AGPS: variants seen among roughly 807,000 people sequenced by gnomAD.
AGPS encodes the protein alkylglycerone phosphate synthase, also known as alkyldihydroxyacetonephosphate synthase, peroxisomal.
A neutral mutation model predicts 90.7 loss-of-function variants in AGPS; 26 were observed. The ratio of observed to expected loss-of-function variants is 0.29; its 90% CI spans 0.21 to 0.40. AGPS has a LOEUF of 0.40. AGPS is among the 10% of genes least tolerant of loss of function. The probability of loss-of-function intolerance (pLI) is 1.00; values close to 1 mark genes in which losing one functional copy is unlikely to be tolerated. For synonymous variants in AGPS, 294 were observed against 285.3 expected (o/e 1.03, Z -0.31); for missense variants, 540 against 816.1 (o/e 0.66, Z 4.12).
At chr2:177,425,137 G>A (rs767605055) in intron 2 of AGPS, among the ~76,000 whole-genome samples, 12 of 152,078 alleles carry the variant, frequency 7.9e-5, no homozygotes, top group East Asian at 7.7e-4. Flanking sequence ...CGTTTTTGTC[G>A]TGAAATCTTT....
Position 177,416,932 on chromosome 2 carries a change from T to C in AGPS, c.261-3337T>C, listed in dbSNP as rs543233830. ...TTGACCTCTGGGGTTAGTTGAGAATTGGATTCTTTTATTTGAATCTTATGG... is the reference window on the plus strand; with the variant it reads ...TTGACCTCTGGGGTTAGTTGAGAATCGGATTCTTTTATTTGAATCTTATGG... On this transcript the variant is annotated intron_variant, in intron 1 of 19. Transcript: ENST00000264167. Among the ~76,000 whole-genome samples the C allele has an allele frequency of 4.6e-5, 7 of 152,340 alleles. No homozygotes were observed. The East Asian group carries it at 1.3e-3, about 29-fold the overall frequency.
intron 19 of AGPS, among the ~76,000 whole-genome samples, chr2:177,525,303 A>G (rs1264243284): frequency 2.0e-5 from 3 of 152,302 alleles, no homozygotes; most frequent in Non-Finnish European, 2.9e-5. Flanking sequence ...TTCTGTTTCA[A>G]AATGACACTG....
chr2:177,461,787 C>A (rs1574387285), intron 8 of AGPS, 106 bp from the exon 9 acceptor site: 2,205 of 632,822 alleles, frequency 3.5e-3, no homozygotes, highest in East Asian at 6.0e-3. Context: ...TTAATAAATT[C>A]AAATATCAAT....
At chr2:177,537,331 CT>C (rs770876731) in intron 19 of AGPS, among the ~76,000 whole-genome samples, 121 of 151,888 alleles carry the variant, frequency 8.0e-4, no homozygotes, top group African/African-American at 2.7e-3. Context: ...CTTCACTATT[CT>C]CAGAACAAAT....
intron 11 of AGPS, among the ~76,000 whole-genome samples, chr2:177,482,865 T>G (rs748277349): frequency 2.0e-5 from 3 of 152,130 alleles, no homozygotes; most frequent in Non-Finnish European, 2.9e-5. Context: ...AATTTCTACG[T>G]CTCTCTCGGC....
intron 5 of AGPS, among the ~76,000 whole-genome samples, chr2:177,440,741 A>C (rs1040400036): frequency 6.6e-6 from 1 of 152,148 alleles, no homozygotes; most frequent in Non-Finnish European, 1.5e-5. Context: ...TGTGAGATGA[A>C]GGAAAATTTT....
rs927627596 is a variant in AGPS at position 177,541,283 on chromosome 2, T to G, written c.*3088T>G. ...AGTAACTGCTAAGTCCTAGCTTGCA[T>G]TTTTGAAAATGCCTTTCTGCATGTT... On this transcript the variant is annotated 3_prime_UTR_variant, in exon 20 of 20. Transcript: ENST00000264167. The G allele has an allele frequency of 2.6e-5, 4 of 152,158 alleles. No individual in the cohort carries two copies. Among genetic ancestry groups the G allele is most frequent in the African/African-American group, 9.7e-5 (4 of 41,450 alleles). 9.4% of individuals were successfully genotyped at this position (152,158 alleles called of 1,614,324 possible).
intron 8 of AGPS, among the ~76,000 whole-genome samples, chr2:177,458,038 T>C (rs2364850): frequency 0.87 from 132,959 of 152,234 alleles, 58,200 homozygotes; most frequent in East Asian, 0.98. Context: ...GTTCAACATA[T>C]GCAAATAAAT....
intron 2 of AGPS, among the ~76,000 whole-genome samples, chr2:177,425,181 A>T (rs1238520930): frequency 2.0e-5 from 3 of 151,688 alleles, no homozygotes; most frequent in Non-Finnish European, 2.9e-5. Context: ...TATTGCCTAG[A>T]TTTTTTTCTG....
Position 177,482,055 on chromosome 2 carries a change from T to A in AGPS, c.1106-4T>A, listed in dbSNP as rs367994868. The A allele has an allele frequency of 1.9e-6, 3 of 1,597,644 alleles. No individual in the cohort carries two copies. The highest frequency in any genetic ancestry group is 2.6e-6 in the Non-Finnish European group (3 of 1,169,450). On this transcript the variant is annotated splice_region_variant and splice_polypyrimidine_tract_variant and intron_variant, in intron 10 of 19. Coordinates refer to ENST00000264167, the MANE Select transcript of AGPS (RefSeq NM_003659.4). ...ACTGGATTATTCCCCCTTCTTTTTT[T>A]CAGGAACTCTTGGTGTAATAACAGA... is the stretch of plus-strand genomic sequence containing the variant.
chr2:177,409,866 C>T (rs988518964), intron 1 of AGPS, among the ~76,000 whole-genome samples: 16 of 152,248 alleles, frequency 1.1e-4, no homozygotes, highest in African/African-American at 3.4e-4. Flanking sequence ...GGGATTGAAA[C>T]GTATGGCCTG....
At chr2:177,438,363 G>C (rs570122313) in intron 5 of AGPS, among the ~76,000 whole-genome samples, 33 of 152,258 alleles carry the variant, frequency 2.2e-4, no homozygotes, top group African/African-American at 7.7e-4. Context: ...GTCTAGCCTG[G>C]ACTAGTGAGT....
intron 9 of AGPS, among the ~76,000 whole-genome samples, chr2:177,464,895 G>A (rs1687402750): frequency 6.6e-6 from 1 of 152,234 alleles, no homozygotes; most frequent in African/African-American, 2.4e-5. Context: ...GTATGATGCA[G>A]TGAGCATTTC....
chr2:177,534,059 G>A (rs80095724), intron 19 of AGPS, among the ~76,000 whole-genome samples: 2 of 152,158 alleles, frequency 1.3e-5, no homozygotes. Context: ...ATAATCAAAT[G>A]TGTGATTCAA....
intron 2 of AGPS, among the ~76,000 whole-genome samples, chr2:177,431,345 A>C (rs1445317507): frequency 6.6e-6 from 1 of 152,186 alleles, no homozygotes; most frequent in Non-Finnish European, 1.5e-5. Flanking sequence ...CACAAGGCAA[A>C]GGGCAAAATT....
rs1200415526 is a variant in AGPS at position 177,541,890 on chromosome 2, T to C, written c.*3695T>C. ...AAGGTTTTCTTAAACTGTTAAAATA[T>C]AGTGTCTGATATAAAGGATGTAAGT... is the stretch of plus-strand genomic sequence containing the variant. On this transcript the variant is annotated 3_prime_UTR_variant, in exon 20 of 20. Transcript: ENST00000264167. 2 of 152,196 alleles carry C rather than the reference T, an allele frequency of 1.3e-5. No individual in the cohort carries two copies. Among genetic ancestry groups the C allele is most frequent in the African/African-American group, 2.4e-5 (1 of 41,458 alleles). The allele number at this position is 152,196 out of a possible 1,614,324, so 9.4% of individuals were successfully genotyped here.
intron 10 of AGPS, among the ~76,000 whole-genome samples, chr2:177,478,122 T>G (rs2105688618): frequency 6.6e-6 from 1 of 152,332 alleles, no homozygotes; most frequent in South Asian, 2.1e-4. Context: ...GGATGTAGGA[T>G]TGCTGGTTGA....
At position 177,435,774 on chromosome 2, in the gene AGPS, G is replaced by A. The variant is rs149507866; in HGVS notation, c.442-990G>A. Among the ~76,000 whole-genome samples, 475 of 152,062 alleles carry A rather than the reference G, an allele frequency of 3.1e-3. 3 individuals are homozygous for A. Among genetic ancestry groups the A allele is most frequent in the African/African-American group, 0.011 (449 of 41,470 alleles). ...GTATGATAGCTTCCCTCAATCCCCC[G>A]TAGCAGATTTTACTTGGCCAGCCGT... On this transcript the variant is annotated intron_variant, in intron 3 of 19. Coordinates refer to ENST00000264167, the MANE Select transcript of AGPS (RefSeq NM_003659.4).
chr2:177,403,089 A>G lies in AGPS; in HGVS notation c.260+10040A>G, dbSNP rs185200836. On this transcript the variant is annotated intron_variant, in intron 1 of 19. Transcript: ENST00000264167. ...GAGAAAAAAGAAAAAAAGAAACTTCATCTACCCAGGTTTGCAATTACTTTG... is the reference window on the plus strand; with the variant it reads ...GAGAAAAAAGAAAAAAAGAAACTTCGTCTACCCAGGTTTGCAATTACTTTG... Among the ~76,000 whole-genome samples, 413 of 152,190 alleles carry G rather than the reference A, an allele frequency of 2.7e-3. 2 individuals carry two copies. Among genetic ancestry groups the G allele is most frequent in the Non-Finnish European group, 4.1e-3 (282 of 67,966 alleles).
Sources: allele counts gnomAD v4.1 joint callset (sites outside exome capture counted in the v4.1 genomes callset), GRCh38; gene constraint gnomAD v4.1.1; transcripts MANE v1.5; gene names NCBI Gene and HGNC (gene_info 2026-07-23, HGNC 2026-07-21).